EIF4G2: variants seen among roughly 807,000 people sequenced by gnomAD.
EIF4G2 encodes the protein eukaryotic translation initiation factor 4 gamma 2, also known as DAP-5.
In EIF4G2, 8 loss-of-function variants were observed where a neutral mutation model predicts 117.7. That is an observed-to-expected ratio of 0.07 (90% CI 0.04 to 0.12). The LOEUF (loss-of-function observed/expected upper bound fraction) is 0.12, where lower values mean the gene tolerates loss of function less well. Among genes scored for constraint, EIF4G2 ranks in the 10% least tolerant of loss-of-function variants. The pLI is 1.00. For missense variants in EIF4G2, 812 were observed against 1,086.2 expected (o/e 0.75, Z 3.55); for synonymous variants, 413 against 367.8 (o/e 1.12, Z -1.41).
chr11:10,804,442 A>G, intron 5 of EIF4G2, 24 bp from the exon 6 acceptor site: 1 of 1,555,108 alleles, frequency 6.4e-7, no homozygotes, highest in Non-Finnish European at 8.7e-7. Flanking sequence ...CATTGCTTAA[A>G]CTAAATATGA....
intron 11 of EIF4G2, among the ~76,000 whole-genome samples, 168 bp downstream of exon 11, chr11:10,802,862 G>A (rs569932844): frequency 2.4e-4 from 36 of 152,220 alleles, no homozygotes; most frequent in African/African-American, 7.7e-4. Context: ...GCGAAACTCC[G>A]TCTCAAAAAA....
At chr11:10,800,399 A>G in intron 17 of EIF4G2, 33 bp downstream of exon 17, 1 of 1,613,144 alleles carries the variant, frequency 6.2e-7, no homozygotes. Flanking sequence ...GAGTGGTAAG[A>G]GTTCTTACCA....
Position 10,806,031 on chromosome 11 carries a change from T to C in EIF4G2, c.124A>G (p.Thr42Ala), listed in dbSNP as rs746247801. The C allele has an allele frequency of 5.6e-6, 9 of 1,613,990 alleles. No homozygotes were observed. The highest frequency in any genetic ancestry group is 3.3e-5 in the Admixed American group (2 of 59,992). Reference sequence around the variant, plus strand: ...CATTTCTGAGCGTTTTGCCCTGGGGTTTTCCCCAGGAACTCGCTGATTAAT... The same window carrying C: ...CATTTCTGAGCGTTTTGCCCTGGGGCTTTCCCCAGGAACTCGCTGATTAAT... The change falls in exon 4 of 22, where the codon ACC (threonine) becomes GCC (alanine). Residue 42 changes from threonine (T) to alanine (A), a missense_variant. Coordinates refer to ENST00000339995, the MANE Select transcript of EIF4G2 (RefSeq NM_001418.4).
chr11:10,799,017 G>A lies in EIF4G2; in HGVS notation c.2633C>T (p.Pro878Leu), dbSNP rs34763320. 74 of 1,609,192 alleles carry A rather than the reference G, an allele frequency of 4.6e-5. No homozygotes were observed. The highest frequency in any genetic ancestry group is 5.9e-5 in the Non-Finnish European group (70 of 1,178,790). ...CTGGAACAAAGCCTTGCCTTTTCCC[G>A]GAAACTCTTGGGTTATATCTTCTTT... Residue 878 changes from proline to leucine, a missense_variant, in exon 21 of 22, where the codon CCG (proline) becomes CTG (leucine). Physicochemically the swap from Pro to Leu is moderately conservative, Grantham distance 98. Around this residue, in one of 4 missense-constraint regions of EIF4G2, gnomAD observed 571 missense variants for 642.3 expected, o/e 0.89. Coordinates refer to ENST00000339995, the MANE Select transcript of EIF4G2 (RefSeq NM_001418.4).
Position 10,797,941 on chromosome 11 carries a change from A to C in EIF4G2, c.2659-60T>G. ...TGATATAAACAGAAATCCATCCAAA[A>C]AGTTTTAGGTGGTACTACACAGTTT... is the stretch of plus-strand genomic sequence containing the variant. On this transcript the variant is annotated intron_variant, in intron 21 of 21. Transcript: ENST00000339995. This position sits in a 1 kb window ranked among gnomAD's most constrained non-coding sequence, Gnocchi z 4.5. 6.6e-7 allele frequency: 1 copy of C among 1,514,270 alleles called. No individual in the cohort carries two copies. Among genetic ancestry groups the C allele is most frequent in the Non-Finnish European group, 9.1e-7 (1 of 1,095,588 alleles). The allele number at this position is 1,514,270 out of a possible 1,614,324, so 93.8% of individuals were successfully genotyped here.
intron 4 of EIF4G2, 146 bp downstream of exon 4, chr11:10,805,761 A>C: frequency 4.0e-6 from 5 of 1,255,738 alleles, no homozygotes; most frequent in Non-Finnish European, 5.7e-6. Context: ...CCAGTTCAAG[A>C]TATTTTTAAA....
rs74543758 is a variant in EIF4G2, at chr11:10,803,783, T to C, written c.702+116A>G. On this transcript the variant is annotated intron_variant, in intron 8 of 21. Transcript: ENST00000339995. This position sits in a 1 kb window ranked among gnomAD's most constrained non-coding sequence, Gnocchi z 4.0. ...ACCACGTATTTCAAATTATTCTGTT[T>C]AGTAAATTTTGTTGCACATCTGTAT... is the stretch of plus-strand genomic sequence containing the variant. 3 of 1,324,868 alleles carry C rather than the reference T, an allele frequency of 2.3e-6. No individual in the cohort carries two copies. Among genetic ancestry groups the C allele is most frequent in the South Asian group, 1.4e-5 (1 of 72,694 alleles). 82.1% of individuals were successfully genotyped at this position (1,324,868 alleles called of 1,614,324 possible). A position where few individuals can be genotyped will look rare whatever the true frequency, so the allele number is the denominator to read the frequency against.
chr11:10,800,413 A>C lies in EIF4G2; in HGVS notation c.1860+19T>G, dbSNP rs781733981. 11 of 1,613,536 alleles carry C rather than the reference A, an allele frequency of 6.8e-6. No individual in the cohort carries two copies. The highest frequency in any genetic ancestry group is 4.5e-5 in the East Asian group (2 of 44,886). On this transcript the variant is annotated intron_variant, in intron 17 of 21. Transcript: ENST00000339995. ...TGAGTGGTAAGAGTTCTTACCACAC[A>C]ATCAGTAAAGTGTCCTACCTGCATG... is the stretch of plus-strand genomic sequence containing the variant.
intron 1 of EIF4G2, 101 bp from the exon 2 acceptor site, chr11:10,807,482 A>G (rs894125339): frequency 7.2e-7 from 1 of 1,395,358 alleles, no homozygotes; most frequent in African/African-American, 1.5e-5. Flanking sequence ...CTGTCACTGC[A>G]TTGCAGATCT....
At chr11:10,804,830 T>C in intron 5 of EIF4G2, 83 bp downstream of exon 5, 1 of 1,147,356 alleles carries the variant, frequency 8.7e-7, no homozygotes, top group Non-Finnish European at 1.3e-6. Flanking sequence ...TTTTAAGTAG[T>C]AATCCAAGTG....
intron 1 of EIF4G2, chr11:10,807,858 G>C: frequency 1.0e-6 from 1 of 986,120 alleles, no homozygotes; most frequent in Non-Finnish European, 1.2e-6. Flanking sequence ...GCGCGAGAGG[G>C]GGCCGGGTGT....
At chr11:10,807,954 A>G in intron 1 of EIF4G2, 1 of 1,020,754 alleles carries the variant, frequency 9.8e-7, no homozygotes. Flanking sequence ...CTGGGAACAA[A>G]AGAGCGGAGC....
At chr11:10,807,525 G>C in intron 1 of EIF4G2, 144 bp from the exon 2 acceptor site, 1 of 1,303,164 alleles carries the variant, frequency 7.7e-7, no homozygotes, top group Non-Finnish European at 9.7e-7. Context: ...TCAAAACACT[G>C]ACAATTACAT....
At position 10,806,823 on chromosome 11, in the gene EIF4G2, T is replaced by C. The variant is rs771925576; in HGVS notation, c.104A>G (p.Asn35Ser). 2.5e-6 allele frequency: 4 copies of C among 1,614,218 alleles called. No individual in the cohort carries two copies. The highest frequency in any genetic ancestry group is 1.7e-5 in the Admixed American group (1 of 60,030). The change falls in exon 3 of 22, where the codon AAC (asparagine) becomes AGC (serine). Residue 35 changes from asparagine (N) to serine (S), a missense_variant. Physicochemically the swap from Asn to Ser is conservative, Grantham distance 46. Around this residue, in one of 4 missense-constraint regions of EIF4G2, gnomAD observed 79 missense variants for 91.5 expected, o/e 0.86. Coordinates refer to ENST00000339995, the MANE Select transcript of EIF4G2 (RefSeq NM_001418.4). Reference sequence around the variant, plus strand: ...TTTTTTTACATGTTTACCACACCTGTTGCCAGCAGTCTTGGGATAGTGCTG... The same window carrying C: ...TTTTTTTACATGTTTACCACACCTGCTGCCAGCAGTCTTGGGATAGTGCTG...
intron 18 of EIF4G2, 46 bp downstream of exon 18, chr11:10,800,041 CTAG>C: frequency 6.3e-7 from 1 of 1,578,834 alleles, no homozygotes; most frequent in Non-Finnish European, 8.6e-7. Context: ...CCTGAAATCT[CTAG>C]ATATAATATT....
In EIF4G2 at chr11:10,806,899, A is replaced by G. The variant is rs1402186898; in HGVS notation, c.42-14T>C. On this transcript the variant is annotated splice_polypyrimidine_tract_variant and intron_variant, in intron 2 of 21. Coordinates refer to ENST00000339995, the MANE Select transcript of EIF4G2 (RefSeq NM_001418.4). ...CCCGAAGAAGCACTATTTAAAAGAA[A>G]AAAATTGTTTACTGTATCCCAACTA... 1.2e-6 allele frequency: 2 copies of G among 1,613,310 alleles called. No homozygotes were observed. The highest frequency in any genetic ancestry group is 1.7e-6 in the Non-Finnish European group (2 of 1,179,950).
Position 10,806,890 on chromosome 11 carries a change from T to G in EIF4G2, c.42-5A>C, listed in dbSNP as rs1474517657. The G allele has an allele frequency of 6.2e-7, 1 of 1,613,890 alleles. No homozygotes were observed. The highest frequency in any genetic ancestry group is 1.3e-5 in the African/African-American group (1 of 74,968). ...CCTCCTCCGCCCGAAGAAGCACTAT[T>G]TAAAAGAAAAAAATTGTTTACTGTA... On this transcript the variant is annotated splice_region_variant and splice_polypyrimidine_tract_variant and intron_variant, in intron 2 of 21. Coordinates refer to ENST00000339995, the MANE Select transcript of EIF4G2 (RefSeq NM_001418.4).
chr11:10,801,873 A>T, intron 13 of EIF4G2, 99 bp from the exon 14 acceptor site: 1 of 1,264,302 alleles, frequency 7.9e-7, no homozygotes. Context: ...AAGTTAGTTT[A>T]ACTGAATTTG....
At chr11:10,806,312 C>T in intron 3 of EIF4G2, 1 of 505,610 alleles carries the variant, frequency 2.0e-6, no homozygotes, top group Non-Finnish European at 3.5e-6. Context: ...TAAATATTCC[C>T]AGTATCAACG....
Sources: gnomAD v4.1 joint callset for allele counts (sites outside exome capture counted in the v4.1 genomes callset) on GRCh38, gnomAD v4.1.1 for gene constraint, gnomAD v4.1.1 regional missense constraint, Gnocchi (gnomAD v3.1) non-coding constraint, MANE v1.5 for transcripts, NCBI Gene and HGNC (gene_info 2026-07-23, HGNC 2026-07-21) for gene names.